Variants in SLC7A6 observed in about 807,000 individuals in gnomAD.
SLC7A6 encodes the protein solute carrier family 7 member 6.
Under a neutral mutation model 46.6 loss-of-function variants are expected in SLC7A6, and 29 were observed. That is an observed-to-expected ratio of 0.62 (90% CI 0.46 to 0.85). The LOEUF is 0.85. SLC7A6 is among the 40% of genes least tolerant of loss of function. SLC7A6 has a pLI of 0.00. For missense variants in SLC7A6, 527 were observed against 647.6 expected, an observed-to-expected ratio of 0.81 and a Z score of 2.02; for synonymous variants, 276 against 257.3, an observed-to-expected ratio of 1.07 and a Z score of -0.70.
intron 10 of SLC7A6, among the ~76,000 whole-genome samples, 167 bp from the exon 11 acceptor site, chr16:68,297,067 T>C (rs1165734353): frequency 6.6e-6 from 1 of 152,176 alleles, no homozygotes; most frequent in Admixed American, 6.5e-5. Flanking sequence ...TGGTTGGGCA[T>C]GGGACAGAGG....
rs1472772163 is a variant in SLC7A6, at chr16:68,301,271, A to G, written c.*3943A>G. On this transcript the variant is annotated 3_prime_UTR_variant, in exon 11 of 11. Coordinates refer to ENST00000219343, the MANE Select transcript of SLC7A6 (RefSeq NM_003983.6). ...GGCAGAACCTCATGGACATCACAAG[A>G]CCATCAGTCTGAATCCAGGTCGTGG... 2 of 1,613,896 alleles carry G rather than the reference A, an allele frequency of 1.2e-6. No individual in the cohort carries two copies. Among genetic ancestry groups the G allele is most frequent in the South Asian group, 1.1e-5 (1 of 91,042 alleles).
In SLC7A6 at chr16:68,297,410, C is replaced by T; in HGVS notation, c.*82C>T. 2 of 1,191,146 alleles carry T rather than the reference C, an allele frequency of 1.7e-6. No individual in the cohort carries two copies. Among genetic ancestry groups the T allele is most frequent in the Non-Finnish European group, 2.4e-6 (2 of 819,886 alleles). The allele number at this position is 1,191,146 out of a possible 1,614,324, so 73.8% of individuals were successfully genotyped here. The stretch of plus-strand genomic sequence containing the variant: ...AACAAGACTCTGTGGGCCCAACTCT[C>T]CTGAATTAAAGGAGCCTTTTGACCC... On this transcript the variant is annotated 3_prime_UTR_variant, in exon 11 of 11. Coordinates refer to ENST00000219343, the MANE Select transcript of SLC7A6 (RefSeq NM_003983.6).
intron 7 of SLC7A6, 101 bp downstream of exon 7, chr16:68,291,762 G>GGTGTGTGTGTGTGTGTGTGCGTGTGT (rs2043055927): frequency 2.0e-6 from 1 of 508,314 alleles, no homozygotes; most frequent in Non-Finnish European, 3.5e-6. Context: ...GGGCATATAG[G>GGTGTGTGTGTGTGTGTGTGCGTGTGT]GTGTGTGTGT....
intron 3 of SLC7A6, among the ~76,000 whole-genome samples, chr16:68,281,097 T>C (rs1317665887): frequency 9.2e-5 from 14 of 152,190 alleles, no homozygotes; most frequent in African/African-American, 3.4e-4. Flanking sequence ...ACTTCTTGTA[T>C]TATCCCCAGA....
rs1283981659 is a variant in SLC7A6 at position 68,287,738 on chromosome 16, C to T, written c.524-8C>T. 1 of 1,611,100 alleles carries T rather than the reference C, an allele frequency of 6.2e-7. No individual in the cohort carries two copies. The highest frequency in any genetic ancestry group is 1.7e-5 in the Admixed American group (1 of 59,902). On this transcript the variant is annotated splice_region_variant and splice_polypyrimidine_tract_variant and intron_variant, in intron 3 of 10. Coordinates refer to ENST00000219343, the MANE Select transcript of SLC7A6 (RefSeq NM_003983.6). Reference sequence around the variant, plus strand: ...AGCCTGCCAGTGACTTTGTGGTTTTCCTCCTAGGTCTGCTGACATTTGTGA... The same window carrying T: ...AGCCTGCCAGTGACTTTGTGGTTTTTCTCCTAGGTCTGCTGACATTTGTGA...
intron 3 of SLC7A6, among the ~76,000 whole-genome samples, chr16:68,281,146 T>G (rs1836426281): frequency 1.3e-5 from 2 of 152,206 alleles, no homozygotes; most frequent in African/African-American, 4.8e-5. Flanking sequence ...TTTCCTGGCC[T>G]CTGAAGGCAC....
At chr16:68,294,076 T>C (rs1398222771) in intron 7 of SLC7A6, among the ~76,000 whole-genome samples, 3 of 152,198 alleles carry the variant, frequency 2.0e-5, no homozygotes, top group African/African-American at 4.8e-5. Context: ...TTTGTATTAG[T>C]AGAGACAGGG....
intron 6 of SLC7A6, 78 bp downstream of exon 6, chr16:68,291,410 C>T: frequency 1.3e-6 from 2 of 1,592,168 alleles, no homozygotes; most frequent in Non-Finnish European, 1.7e-6. Flanking sequence ...TGTCTTACTG[C>T]ACCCTCCTCA....
chr16:68,273,118 A>G (rs939351242), intron 2 of SLC7A6: 1 of 152,174 alleles, frequency 6.6e-6, no homozygotes, highest in African/African-American at 2.4e-5. Context: ...ACTTGGTCTC[A>G]GGTCCAGACT....
intron 3 of SLC7A6, among the ~76,000 whole-genome samples, chr16:68,278,912 C>T (rs535876441): frequency 0.01 from 1,554 of 152,192 alleles, 26 homozygotes; most frequent in African/African-American, 0.036. Context: ...CCCCACCTCC[C>T]GGACAGGGCG....
At chr16:68,283,594 AC>A (rs66469764) in intron 3 of SLC7A6, among the ~76,000 whole-genome samples, 2 of 45,140 alleles carry the variant, frequency 4.4e-5, no homozygotes, top group South Asian at 5.1e-4. Context: ...AAAGGGAAGA[AC>A]AGATAGAGGA....
chr16:68,268,714 T>C (rs908732240), intron 2 of SLC7A6, among the ~76,000 whole-genome samples: 4 of 152,124 alleles, frequency 2.6e-5, no homozygotes, highest in Non-Finnish European at 5.9e-5. Context: ...TTTTTAAAAA[T>C]TTTTTTGTTG....
At chr16:68,295,260 G>C (rs1475028362) in intron 8 of SLC7A6, among the ~76,000 whole-genome samples, 2 of 152,064 alleles carry the variant, frequency 1.3e-5, no homozygotes, top group African/African-American at 4.8e-5. Context: ...AAACTAAAGA[G>C]GGACCAAGGG....
In SLC7A6 at chr16:68,287,851, G is replaced by GC. The variant is rs2042970115; in HGVS notation, c.631dup (p.Leu211ProfsTer3). 2 of 1,614,106 alleles carry GC rather than the reference G, an allele frequency of 1.2e-6. No individual in the cohort carries two copies. The highest frequency in any genetic ancestry group is 1.1e-5 in the South Asian group (1 of 91,076). ...GCGCTCATTGCCATCATTGTCATGGGCCTTGTTAAACTGTGCCAGGGTAAG... is the reference window on the plus strand; with the variant it reads ...GCGCTCATTGCCATCATTGTCATGGGCCCTTGTTAAACTGTGCCAGGGTAAG... On this transcript the variant is annotated frameshift_variant, in exon 4 of 11. Transcript: ENST00000219343. LOFTEE classifies it high-confidence loss of function.
chr16:68,282,068 C>G (rs1190552098), intron 3 of SLC7A6, among the ~76,000 whole-genome samples: 1 of 152,184 alleles, frequency 6.6e-6, no homozygotes, highest in Non-Finnish European at 1.5e-5. Flanking sequence ...CTTTCCTGCT[C>G]TCTTGGACCC....
At chr16:68,270,357 C>A (rs778558147) in intron 2 of SLC7A6, among the ~76,000 whole-genome samples, 6 of 151,684 alleles carry the variant, frequency 4.0e-5, no homozygotes, top group Non-Finnish European at 8.8e-5. Flanking sequence ...TTTCTTTTAT[C>A]CTGCCCCAGC....
rs769050638 is a variant in SLC7A6, at chr16:68,297,238, T to C, written c.1458T>C (p.Ala486=). The change falls in exon 11 of 11, where the codon GCT becomes GCC. Residue 486 remains alanine, a synonymous_variant. Coordinates refer to ENST00000219343, the MANE Select transcript of SLC7A6 (RefSeq NM_003983.6). ...RPLFIRNVLA[A]ITRGTQQLCF... is the part of the protein sequence containing the mutation. ...GCTTGCTCTATTTTCATTTAGCTGC[T>C]ATCACCAGAGGCACCCAGCAGCTTT... 1.2e-6 allele frequency: 2 copies of C among 1,613,906 alleles called. No homozygotes were observed. The highest frequency in any genetic ancestry group is 1.7e-6 in the Non-Finnish European group (2 of 1,179,904).
chr16:68,287,307 C>T (rs747550414), intron 3 of SLC7A6: 5 of 1,287,974 alleles, frequency 3.9e-6, no homozygotes, highest in Non-Finnish European at 5.1e-6. Context: ...AAAACACTGT[C>T]TCTCTAATTT....
In SLC7A6 at chr16:68,274,972, T is replaced by G. The variant is rs199740573; in HGVS notation, c.246T>G (p.Ile82Met). 392 of 1,614,094 alleles carry G rather than the reference T, an allele frequency of 2.4e-4. No homozygotes were observed. Among genetic ancestry groups the G allele is most frequent in the Non-Finnish European group, 3.1e-4 (368 of 1,180,046 alleles). The part of the protein sequence containing the change: ...VHTASYGMSL[I>M]VWAIGGLFSV... Reference sequence around the variant, plus strand: ...CTGCCTCCTATGGGATGTCACTGATTGTGTGGGCCATTGGTGGGCTCTTCT... The same window carrying G: ...CTGCCTCCTATGGGATGTCACTGATGGTGTGGGCCATTGGTGGGCTCTTCT... Residue 82 changes from isoleucine (I) to methionine (M), a missense_variant, in exon 3 of 11, where the codon ATT becomes ATG. Ile to Met is a conservative substitution (Grantham distance 10, BLOSUM62 1). Transcript: ENST00000219343.
Sources: gnomAD v4.1 joint callset for allele counts (sites outside exome capture counted in the v4.1 genomes callset) on GRCh38, gnomAD v4.1.1 for gene constraint, MANE v1.5 for transcripts, NCBI Gene and HGNC (gene_info 2026-07-23, HGNC 2026-07-21) for gene names.